The following FAM241A variants were observed in gnomAD, a reference collection of about 807,000 sequenced individuals.
FAM241A encodes the protein family with sequence similarity 241 member A, also known as uncharacterized protein FAM241A.
A neutral mutation model predicts 12.2 loss-of-function variants in FAM241A; 7 were observed. The ratio of observed to expected loss-of-function variants is 0.58; its 90% confidence interval spans 0.33 to 1.08. FAM241A has a LOEUF of 1.08. FAM241A is among the 50% of genes least tolerant of loss of function. The pLI is 0.04. For missense variants in FAM241A, 161 were observed against 169.7 expected, an observed-to-expected ratio of 0.95 and a Z score of 0.29; for synonymous variants, 74 against 68.2, an observed-to-expected ratio of 1.08 and a Z score of -0.42.
At chr4:112,152,014 G>A (rs1232801466) in intron 1 of FAM241A, among the ~76,000 whole-genome samples, 1 of 152,180 alleles carries the variant, frequency 6.6e-6, no homozygotes, top group Non-Finnish European at 1.5e-5. Flanking sequence ...CAGTTTGCAA[G>A]CAATATTGTA....
intron 1 of FAM241A, among the ~76,000 whole-genome samples, chr4:112,179,496 G>A (rs1302747521): frequency 6.6e-6 from 1 of 151,934 alleles, no homozygotes; most frequent in Non-Finnish European, 1.5e-5. Context: ...CTCATAGGTG[G>A]GAATTGAACA....
intron 1 of FAM241A, among the ~76,000 whole-genome samples, chr4:112,177,355 AAGC>A (rs1300746704): frequency 1.3e-5 from 2 of 152,178 alleles, no homozygotes; most frequent in Non-Finnish European, 2.9e-5. Context: ...TCTGAAAACT[AAGC>A]AGCATTAACT....
chr4:112,171,859 AAAAAAC>A (rs965973200), intron 1 of FAM241A, among the ~76,000 whole-genome samples: 5 of 152,180 alleles, frequency 3.3e-5, no homozygotes, highest in African/African-American at 7.2e-5. Context: ...ACTCTGTCTC[AAAAAAC>A]AAAAACAAAA....
Position 112,188,173 on chromosome 4 carries a change from TTCATC to T in FAM241A, c.*1239_*1243del. The T allele has an allele frequency of 6.6e-6, 1 of 152,246 alleles. No homozygotes were observed. The highest frequency in any genetic ancestry group is 1.5e-5 in the Non-Finnish European group (1 of 67,978). 9.4% of individuals were successfully genotyped at this position (152,246 alleles called of 1,614,324 possible). A position where few individuals can be genotyped will look rare whatever the true frequency, so the allele number is the denominator to read the frequency against. ...TTAGAGAACCTAAAATCTTTACACT[TTCATC>T]TCAAAGATTATAAAGGAAAGGGGGG... On this transcript the variant is annotated 3_prime_UTR_variant, in exon 2 of 2. Transcript: ENST00000309733.
Position 112,192,790 on chromosome 4 carries a change from AG to A in FAM241A, c.*5853del, listed in dbSNP as rs1280482844. ...GTTCCAAGTCTTTGCTATTGTGAAT[AG>A]TGCTGCAATAAACATACGTGTGCAT... On this transcript the variant is annotated 3_prime_UTR_variant, in exon 2 of 2. Coordinates refer to ENST00000309733, the MANE Select transcript of FAM241A (RefSeq NM_152400.3). 9 of 151,888 alleles carry A rather than the reference AG, an allele frequency of 5.9e-5. No individual in the cohort carries two copies. The highest frequency in any genetic ancestry group is 2.2e-4 in the African/African-American group (9 of 41,362). 9.4% of individuals were successfully genotyped at this position (151,888 alleles called of 1,614,324 possible).
rs538901930 is a variant in FAM241A at position 112,188,960 on chromosome 4, C to T, written c.*2022C>T. On this transcript the variant is annotated 3_prime_UTR_variant, in exon 2 of 2. Coordinates refer to ENST00000309733, the MANE Select transcript of FAM241A (RefSeq NM_152400.3). The stretch of plus-strand genomic sequence containing the variant: ...GGTCAGTACATCAAATAATATTTGG[C>T]TTTGATATGGGAAAAAACAAACTTT... 2.0e-5 allele frequency: 3 copies of T among 151,936 alleles called. No homozygotes were observed. In the South Asian group the frequency reaches 6.2e-4, roughly 32 times the overall value. 9.4% of individuals were successfully genotyped at this position (151,936 alleles called of 1,614,324 possible).
At position 112,187,728 on chromosome 4, in the gene FAM241A, C is replaced by T. The variant is rs1290132137; in HGVS notation, c.*790C>T. ...TAATGCCATATTTTCTTGTATCTAA[C>T]AAGTTGCATATTTTTTCCTAGAGAG... On this transcript the variant is annotated 3_prime_UTR_variant, in exon 2 of 2. Transcript: ENST00000309733. 1 of 152,364 alleles carries T rather than the reference C, an allele frequency of 6.6e-6. No individual in the cohort carries two copies. Among genetic ancestry groups the T allele is most frequent in the Non-Finnish European group, 1.5e-5 (1 of 67,934 alleles). 9.4% of individuals were successfully genotyped at this position (152,364 alleles called of 1,614,324 possible). A position where few individuals can be genotyped will look rare whatever the true frequency, so the allele number is the denominator to read the frequency against.
At chr4:112,169,761 A>G (rs1211063085) in intron 1 of FAM241A, among the ~76,000 whole-genome samples, 1 of 152,254 alleles carries the variant, frequency 6.6e-6, no homozygotes, top group Non-Finnish European at 1.5e-5. Context: ...GGTAGACACT[A>G]TGTATTCTCA....
Position 112,194,038 on chromosome 4 carries a change from T to C in FAM241A, c.*7100T>C, listed in dbSNP as rs1221179229. The C allele has an allele frequency of 6.9e-6, 1 of 145,770 alleles. No homozygotes were observed. The highest frequency in any genetic ancestry group is 1.5e-5 in the Non-Finnish European group (1 of 67,014). 9.0% of individuals were successfully genotyped at this position (145,770 alleles called of 1,614,324 possible). The stretch of plus-strand genomic sequence containing the variant: ...TTTTATTTCATTGAGCAGTGGTTTG[T>C]AGTTCTCCTTGAAGAGGTCCTTCAC... On this transcript the variant is annotated 3_prime_UTR_variant, in exon 2 of 2. Coordinates refer to ENST00000309733, the MANE Select transcript of FAM241A (RefSeq NM_152400.3).
At chr4:112,156,144 A>G (rs1003214655) in intron 1 of FAM241A, among the ~76,000 whole-genome samples, 5 of 152,206 alleles carry the variant, frequency 3.3e-5, no homozygotes, top group African/African-American at 7.2e-5. Context: ...GTGGAACTTA[A>G]TATGTACTAG....
chr4:112,184,490 T>TGCACTCCA (rs1228282739), intron 1 of FAM241A, among the ~76,000 whole-genome samples: 1 of 152,104 alleles, frequency 6.6e-6, no homozygotes, highest in Non-Finnish European at 1.5e-5. Flanking sequence ...ATTGTGCCAT[T>TGCACTCCA]GCACTCCAGC....
At chr4:112,146,222 C>G (rs1723134692) in intron 1 of FAM241A, among the ~76,000 whole-genome samples, 1 of 152,090 alleles carries the variant, frequency 6.6e-6, no homozygotes, top group Admixed American at 6.5e-5. Flanking sequence ...CCACGGGCAG[C>G]GCTGAAAGCA....
rs1239756690 is a variant in FAM241A at position 112,191,735 on chromosome 4, T to A, written c.*4797T>A. On this transcript the variant is annotated 3_prime_UTR_variant, in exon 2 of 2. Transcript: ENST00000309733. ...CTCCTTTAAATCCAGTTTTGGTTCT[T>A]CATTATGGCTTGGTTTCTCAAGTGC... The A allele has an allele frequency of 6.6e-6, 1 of 152,222 alleles. No individual in the cohort carries two copies. The highest frequency in any genetic ancestry group is 1.5e-5 in the Non-Finnish European group (1 of 68,072). 9.4% of individuals were successfully genotyped at this position (152,222 alleles called of 1,614,324 possible).
chr4:112,161,531 C>A (rs1458505339), intron 1 of FAM241A, among the ~76,000 whole-genome samples: 2 of 152,152 alleles, frequency 1.3e-5, no homozygotes, highest in Non-Finnish European at 2.9e-5. Flanking sequence ...ACTATAAACA[C>A]CACTACGCAA....
chr4:112,177,625 A>G (rs1352598145), intron 1 of FAM241A, among the ~76,000 whole-genome samples: 1 of 152,192 alleles, frequency 6.6e-6, no homozygotes, highest in African/African-American at 2.4e-5. Context: ...AATGCATGTT[A>G]CATAGGAGGC....
intron 1 of FAM241A, among the ~76,000 whole-genome samples, chr4:112,170,563 G>T (rs1470766457): frequency 6.6e-6 from 1 of 152,014 alleles, no homozygotes; most frequent in Non-Finnish European, 1.5e-5. Context: ...GCGACTAATG[G>T]GTGGATCATG....
rs369142047 is a variant in FAM241A, at chr4:112,158,099, ATTTAT to A, written c.153+12373_153+12377del. ...TAGATATCAAACTTTGTCCTTCATT[ATTTAT>A]TTTATTATAATTTATTATTATGGTT... On this transcript the variant is annotated intron_variant, in intron 1 of 1. Coordinates refer to ENST00000309733, the MANE Select transcript of FAM241A (RefSeq NM_152400.3). Among the ~76,000 whole-genome samples the A allele has an allele frequency of 1.6e-3, 251 of 152,152 alleles. 3 individuals carry two copies. In the East Asian group the frequency reaches 0.034, roughly 21 times the overall value.
At chr4:112,160,149 A>G (rs1054136419) in intron 1 of FAM241A, among the ~76,000 whole-genome samples, 17 of 152,162 alleles carry the variant, frequency 1.1e-4, no homozygotes, top group African/African-American at 3.9e-4. Context: ...GCTCATGCCT[A>G]TAATCCCAGC....
chr4:112,170,571 A>T (rs1723698408), intron 1 of FAM241A, among the ~76,000 whole-genome samples: 1 of 152,184 alleles, frequency 6.6e-6, no homozygotes, highest in Admixed American at 6.5e-5. Context: ...TGGGTGGATC[A>T]TGTCAACAGC....
Sources: allele counts gnomAD v4.1 joint callset (sites outside exome capture counted in the v4.1 genomes callset), GRCh38; gene constraint gnomAD v4.1.1; transcripts MANE v1.5; gene names NCBI Gene and HGNC (gene_info 2026-07-23, HGNC 2026-07-21).